Variants in ERC2 observed in about 807,000 individuals in gnomAD.
ERC2 encodes the protein ELKS/RAB6-interacting/CAST family member 2.
In ERC2, 42 loss-of-function variants were observed where a neutral mutation model predicts 114.8. The ratio of observed to expected loss-of-function variants is 0.37; its 90% CI spans 0.29 to 0.47. The LOEUF (loss-of-function observed/expected upper bound fraction) is 0.47, where lower values mean the gene tolerates loss of function less well. Among genes scored for constraint, ERC2 ranks in the 20% least tolerant of loss-of-function variants. The pLI is 0.99. For synonymous variants in ERC2, 454 were observed against 425.5 expected (o/e 1.07, Z -0.82); for missense variants, 939 against 1,150.7 (o/e 0.82, Z 2.66).
chr3:56,192,786 A>T lies in ERC2; in HGVS notation c.1075-19266T>A, dbSNP rs576683534. Among the ~76,000 whole-genome samples, 6 of 152,296 alleles carry T rather than the reference A, an allele frequency of 3.9e-5. No individual in the cohort carries two copies. In the South Asian group the frequency reaches 1.2e-3, roughly 32 times the overall value. ...GAGCTAAGCCTGAAGAAGGTGACCC[A>T]TTGGCCTCAGTCATGGCCCAATGGG... On this transcript the variant is annotated intron_variant, in intron 3 of 17. Coordinates refer to ENST00000288221, the MANE Select transcript of ERC2 (RefSeq NM_015576.3).
At chr3:56,047,606 G>T (rs1421376840) in intron 7 of ERC2, among the ~76,000 whole-genome samples, 1 of 152,180 alleles carries the variant, frequency 6.6e-6, no homozygotes. Context: ...GGAAAATGGG[G>T]AATATTTGAA....
At chr3:56,019,121 G>A in intron 7 of ERC2, 90 bp from the exon 8 acceptor site, 1 of 990,260 alleles carries the variant, frequency 1.0e-6, no homozygotes, top group Non-Finnish European at 1.5e-6. Flanking sequence ...AAAAAAGAAA[G>A]AAAAAGACCT....
intron 6 of ERC2, among the ~76,000 whole-genome samples, chr3:56,121,203 A>G (rs1257983447): frequency 6.6e-6 from 1 of 152,144 alleles, no homozygotes; most frequent in Non-Finnish European, 1.5e-5. Flanking sequence ...TAGTAAATGT[A>G]TATCTGTATG....
At chr3:56,020,900 A>G (rs1298267915) in intron 7 of ERC2, among the ~76,000 whole-genome samples, 1 of 152,134 alleles carries the variant, frequency 6.6e-6, no homozygotes, top group African/African-American at 2.4e-5. Context: ...ATATAACTGG[A>G]AAGACTAGGG....
chr3:55,540,868 A>T (rs183207992), intron 17 of ERC2, among the ~76,000 whole-genome samples: 214 of 152,334 alleles, frequency 1.4e-3, no homozygotes, highest in Middle Eastern at 3.4e-3. Context: ...CACCTAGGGC[A>T]GTCCTGGAAG....
intron 17 of ERC2, among the ~76,000 whole-genome samples, chr3:55,590,682 T>A (rs1324372072): frequency 6.6e-6 from 1 of 152,344 alleles, no homozygotes; most frequent in Non-Finnish European, 1.5e-5. Flanking sequence ...TATGCACTTA[T>A]GCATGTAAAT....
chr3:56,080,766 T>C (rs373745881), intron 7 of ERC2, 51 bp downstream of exon 7: 30 of 1,559,506 alleles, frequency 1.9e-5, no homozygotes, highest in Non-Finnish European at 2.3e-5. Context: ...TTTTCTAAAA[T>C]GACAAAACAT....
At chr3:56,171,621 C>A (rs942386312) in intron 4 of ERC2, among the ~76,000 whole-genome samples, 1 of 152,040 alleles carries the variant, frequency 6.6e-6, no homozygotes, top group Non-Finnish European at 1.5e-5. Context: ...GTTTCTCTGC[C>A]TTCCCATGTA....
intron 2 of ERC2, among the ~76,000 whole-genome samples, chr3:56,409,285 T>C (rs2060848258): frequency 6.6e-6 from 1 of 152,116 alleles, no homozygotes. Flanking sequence ...TTGTTTTATA[T>C]TTAAAAAAAT....
chr3:56,170,657 C>T (rs576335241), intron 4 of ERC2, among the ~76,000 whole-genome samples: 2 of 135,674 alleles, frequency 1.5e-5, no homozygotes, highest in Admixed American at 8.3e-5. Flanking sequence ...AGTGCAGTGG[C>T]GAGATCTTGG....
rs555226396 is a variant in ERC2, at chr3:56,434,997, C to T, written c.11G>A (p.Ser4Asn). The change falls in exon 2 of 18, where the codon AGT becomes AAT. Residue 4 changes from serine to asparagine, a missense_variant. Around this residue, in one of 5 missense-constraint regions of ERC2, gnomAD observed 281 missense variants for 307.4 expected, o/e 0.91. Coordinates refer to ENST00000288221, the MANE Select transcript of ERC2 (RefSeq NM_015576.3). ...TTCCAGATTGGTGATTGTTCTTGCA[C>T]TTCCATACATTTTTCTTGTATTATG... MYG[S>N]ARTITNLEGS... 8.1e-6 allele frequency: 13 copies of T among 1,607,958 alleles called. No homozygotes were observed. In the South Asian group the frequency reaches 1.4e-4, roughly 18 times the overall value.
intron 15 of ERC2, among the ~76,000 whole-genome samples, chr3:55,724,575 G>T (rs1202499832): frequency 6.6e-6 from 1 of 152,066 alleles, no homozygotes; most frequent in Admixed American, 6.5e-5. Flanking sequence ...TGGTTTTTAG[G>T]GTTGTCATGA....
intron 15 of ERC2, among the ~76,000 whole-genome samples, chr3:55,732,717 G>C (rs775673565): frequency 6.6e-6 from 1 of 152,194 alleles, no homozygotes. Context: ...CTGGTAAGAA[G>C]GCTTCTGGCA....
intron 14 of ERC2, among the ~76,000 whole-genome samples, chr3:55,819,085 A>C (rs2060014775): frequency 6.6e-6 from 1 of 152,214 alleles, no homozygotes; most frequent in African/African-American, 2.4e-5. Flanking sequence ...ATTTTCGGCT[A>C]TGGTTTAAAG....
intron 7 of ERC2, among the ~76,000 whole-genome samples, chr3:56,054,806 GA>G (rs1295915745): frequency 6.6e-6 from 1 of 152,162 alleles, no homozygotes; most frequent in Non-Finnish European, 1.5e-5. Flanking sequence ...GCAAGTTGGA[GA>G]AAACTGTTGC....
rs570088619 is a variant in ERC2 at position 56,241,921 on chromosome 3, A to G, written c.1074+54098T>C. Among the ~76,000 whole-genome samples, 4 of 152,318 alleles carry G rather than the reference A, an allele frequency of 2.6e-5. No homozygotes were observed. The East Asian group carries it at 7.7e-4, about 29-fold the overall frequency. On this transcript the variant is annotated intron_variant, in intron 3 of 17. Coordinates refer to ENST00000288221, the MANE Select transcript of ERC2 (RefSeq NM_015576.3). ...CAAATTCATGCTCACTTGTTTATGT[A>G]TTTTCTATGGCTGCTGTTTCCATGC...
intron 3 of ERC2, among the ~76,000 whole-genome samples, chr3:56,282,593 A>T (rs1258068849): frequency 7.7e-6 from 1 of 130,126 alleles, no homozygotes; most frequent in East Asian, 2.0e-4. Context: ...GTCAGCACCT[A>T]CATCTCATAG....
intron 13 of ERC2, among the ~76,000 whole-genome samples, chr3:55,933,249 C>T (rs2066236176): frequency 1.3e-5 from 2 of 151,678 alleles, no homozygotes; most frequent in African/African-American, 2.4e-5. Flanking sequence ...AGTAACCATG[C>T]CCAATCTCAA....
At chr3:56,424,337 A>G (rs1421771360) in intron 2 of ERC2, among the ~76,000 whole-genome samples, 1 of 152,100 alleles carries the variant, frequency 6.6e-6, no homozygotes, top group Non-Finnish European at 1.5e-5. Context: ...TGATCCAGAG[A>G]GAAAAATGGA....
Sources: gnomAD v4.1 joint callset for allele counts (sites outside exome capture counted in the v4.1 genomes callset) on GRCh38, gnomAD v4.1.1 for gene constraint, gnomAD v4.1.1 regional missense constraint, MANE v1.5 for transcripts, NCBI Gene and HGNC (gene_info 2026-07-23, HGNC 2026-07-21) for gene names.